Variants in SLCO1A2 observed in about 807,000 individuals in gnomAD.
SLCO1A2 encodes OATP-1.
SLCO1A2 carries 67 observed loss-of-function variants against 69.0 expected under a neutral mutation model. That is an observed-to-expected ratio of 0.97 (90% CI 0.80 to 1.19). The LOEUF is 1.19. Ranked by LOEUF, SLCO1A2 falls within the 50% of genes most tolerant of loss-of-function variation. The pLI is 0.00. For synonymous variants in SLCO1A2, 260 were observed against 265.9 expected, an observed-to-expected ratio of 0.98 and a Z score of 0.22; for missense variants, 787 against 793.7, an observed-to-expected ratio of 0.99 and a Z score of 0.10.
chr12:21,400,219 C>T (rs1275091154), upstream of SLCO1A2, among the ~76,000 whole-genome samples: 1 of 152,102 alleles, frequency 6.6e-6, no homozygotes, highest in Non-Finnish European at 1.5e-5. Context: ...GGGCGAAGGA[C>T]ATGAACAGAC....
chr12:21,358,535 T>C (rs1328568260), intron 2 of SLCO1A2, among the ~76,000 whole-genome samples: 1 of 151,980 alleles, frequency 6.6e-6, no homozygotes, highest in Non-Finnish European at 1.5e-5. Context: ...ATATTTTTGT[T>C]TTATTTTATT....
chr12:21,378,089 A>G, intron 1 of SLCO1A2: 1 of 653,650 alleles, frequency 1.5e-6, no homozygotes, highest in Non-Finnish European at 2.7e-6. Context: ...AATCTCAGCC[A>G]TCTAGGTGTT....
In SLCO1A2 at chr12:21,342,401, A is replaced by G. The variant is rs915588889; in HGVS notation, c.-62-7692T>C. ...CTTATTTCTTCCATTTTAAACTCCA[A>G]CATTATTAAACAAGTGTATTAATAT... is the stretch of plus-strand genomic sequence containing the variant. On this transcript the variant is annotated intron_variant, in intron 2 of 15. Coordinates refer to the SLCO1A2 transcript ENST00000307378. 4.9e-4 allele frequency among the ~76,000 whole-genome samples: 75 copies of G among 152,082 alleles called. 1 individual carries two copies. Among genetic ancestry groups the G allele is most frequent in the Admixed American group, 5.2e-4 (8 of 15,246 alleles).
At chr12:21,357,262 G>A (rs1938441409) in intron 2 of SLCO1A2, among the ~76,000 whole-genome samples, 1 of 152,102 alleles carries the variant, frequency 6.6e-6, no homozygotes. Flanking sequence ...TATAACTGGT[G>A]GACGTATAAA....
chr12:21,311,531 A>T (rs1354069436), intron 4 of SLCO1A2: 1 of 151,654 alleles, frequency 6.6e-6, no homozygotes, highest in East Asian at 1.9e-4. Flanking sequence ...AGCAGGCATG[A>T]AAACAACATT....
In SLCO1A2 at chr12:21,293,957, C is replaced by T. The variant is rs148248462; in HGVS notation, c.1425G>A (p.Thr475=). Residue 475 remains threonine, a synonymous_variant, in exon 11 of 15, where the codon ACG becomes ACA. Transcript: ENST00000683939. The stretch of plus-strand genomic sequence containing the variant: ...TAGGATGTCTTACCATGTTTATTCC[C>T]GTTCCAATGGATGTCTCACAACCAG... The part of the protein sequence containing the change: ...CLAGCETSIG[T]GINMVFQNCS... 2.2e-5 allele frequency: 36 copies of T among 1,607,990 alleles called. No homozygotes were observed. The highest frequency in any genetic ancestry group is 1.7e-4 in the African/African-American group (13 of 74,652).
At chr12:21,377,290 C>T (rs1316299991) in intron 1 of SLCO1A2, among the ~76,000 whole-genome samples, 1 of 152,124 alleles carries the variant, frequency 6.6e-6, no homozygotes, top group African/African-American at 2.4e-5. Context: ...TCTCACACTG[C>T]AATAGAGTAC....
At chr12:21,410,717 C>A (rs1205861863) in intron 1 of SLCO1A2, among the ~76,000 whole-genome samples, 1 of 152,106 alleles carries the variant, frequency 6.6e-6, no homozygotes, top group East Asian at 1.9e-4. Context: ...ATGCTCTCAG[C>A]AGTAATGTGT....
rs568655563 is a variant in SLCO1A2 at position 21,274,252 on chromosome 12, G to A, written c.1793+217C>T. 40 of 443,070 alleles carry A rather than the reference G, an allele frequency of 9.0e-5. No homozygotes were observed. In the South Asian group the frequency reaches 1.5e-3, roughly 16 times the overall value. The allele number at this position is 443,070 out of a possible 1,614,324, so 27.4% of individuals were successfully genotyped here. A position where few individuals can be genotyped will look rare whatever the true frequency, so the allele number is the denominator to read the frequency against. The stretch of plus-strand genomic sequence containing the variant: ...CACTTTGAAAGCCAAGGTTAGGGAA[G>A]CCATGTATGCTTATATTTACCAAGC... On this transcript the variant is annotated intron_variant, in intron 14 of 14. Transcript: ENST00000683939.
chr12:21,288,169 C>T (rs147095216), intron 12 of SLCO1A2, among the ~76,000 whole-genome samples: 626 of 152,138 alleles, frequency 4.1e-3, no homozygotes, highest in African/African-American at 0.014. Context: ...AGGCTGGGCA[C>T]GATAGCTCAT....
chr12:21,398,293 G>C (rs1254137624), upstream of SLCO1A2, among the ~76,000 whole-genome samples: 13 of 150,480 alleles, frequency 8.6e-5, no homozygotes, highest in Non-Finnish European at 1.8e-4. Context: ...ATAAATTCCT[G>C]GACACATACA....
At chr12:21,397,951 A>G (rs1338728559), upstream of SLCO1A2, among the ~76,000 whole-genome samples, 1 of 99,878 alleles carries the variant, frequency 1.0e-5, no homozygotes, top group Non-Finnish European at 2.1e-5. Flanking sequence ...CCCTAACATC[A>G]CAATTAAAAG....
At position 21,306,921 on chromosome 12, in the gene SLCO1A2, T is replaced by C. The variant is rs373952728; in HGVS notation, c.403A>G (p.Asn135Asp). 1 of 1,613,922 alleles carries C rather than the reference T, an allele frequency of 6.2e-7. No homozygotes were observed. Among genetic ancestry groups the C allele is most frequent in the Admixed American group, 1.7e-5 (1 of 60,022 alleles). ...LSSNSFLCMENGTQILRPTQD... is the reference protein window; with the variant it reads ...LSSNSFLCMEDGTQILRPTQD... ...GTTGGTCTTAAAATCTGGGTTCCAT[T>C]TTCCATACACAAGAAACTGTTTGAG... The change falls in exon 5 of 15, where the codon AAT becomes GAT. Residue 135 changes from asparagine to aspartate, a missense_variant. Physicochemically the swap from Asn to Asp is conservative, Grantham distance 23 (BLOSUM62 1). Coordinates refer to ENST00000683939, the MANE Select transcript of SLCO1A2 (RefSeq NM_001386879.1).
chr12:21,389,536 C>T (rs1941050619), intron 1 of SLCO1A2, among the ~76,000 whole-genome samples: 1 of 152,060 alleles, frequency 6.6e-6, no homozygotes, highest in South Asian at 2.1e-4. Flanking sequence ...ACCAGAAACT[C>T]AAAATACAGT....
intron 1 of SLCO1A2, among the ~76,000 whole-genome samples, chr12:21,404,945 G>A (rs567533974): frequency 1.3e-5 from 2 of 152,274 alleles, no homozygotes; most frequent in South Asian, 4.1e-4. Context: ...GGCATGAGAT[G>A]ATATCTCAAT....
intron 12 of SLCO1A2, among the ~76,000 whole-genome samples, chr12:21,289,212 G>A (rs889670501): frequency 2.6e-5 from 4 of 151,460 alleles, no homozygotes; most frequent in African/African-American, 9.7e-5. Flanking sequence ...GTGTGTGTGT[G>A]TGTGTGTGTG....
chr12:21,380,915 C>T (rs1835239735), intron 1 of SLCO1A2, among the ~76,000 whole-genome samples: 2 of 134,718 alleles, frequency 1.5e-5, no homozygotes, highest in Non-Finnish European at 3.1e-5. Flanking sequence ...AATTATCAGG[C>T]GACTATCAGC....
intron 12 of SLCO1A2, among the ~76,000 whole-genome samples, chr12:21,282,873 G>C (rs1591787164): frequency 6.6e-6 from 1 of 152,126 alleles, no homozygotes; most frequent in East Asian, 1.9e-4. Flanking sequence ...CCCTAAAGAA[G>C]TGAAAGATCT....
At chr12:21,396,549 C>A (rs1000837517), upstream of SLCO1A2, among the ~76,000 whole-genome samples, 7 of 150,976 alleles carry the variant, frequency 4.6e-5, no homozygotes, top group South Asian at 2.1e-4. Flanking sequence ...TCGAGAAGAG[C>A]AACTCCAAGA....
Sources: gnomAD v4.1 joint callset for allele counts (sites outside exome capture counted in the v4.1 genomes callset) on GRCh38, gnomAD v4.1.1 for gene constraint, MANE v1.5 for transcripts, NCBI Gene and HGNC (gene_info 2026-07-23, HGNC 2026-07-21) for gene names.